LAMA5: variants seen among roughly 807,000 people sequenced by gnomAD.
The protein encoded by LAMA5 is laminin subunit alpha 5, also known as laminin subunit alpha-5.
Under a neutral mutation model 433.4 loss-of-function variants are expected in LAMA5, and 260 were observed. The ratio of observed to expected loss-of-function variants is 0.60; its 90% CI spans 0.54 to 0.66. The LOEUF is 0.66. LAMA5 is among the 30% of genes least tolerant of loss of function. LAMA5 has a pLI of 0.00. For missense variants in LAMA5, 5,378 were observed against 5,258.5 expected (o/e 1.02, Z -0.70); for synonymous variants, 2,620 against 2,226.6 (o/e 1.18, Z -4.97).
At chr20:62,320,272 C>T (rs1268729519) in intron 50 of LAMA5, among the ~76,000 whole-genome samples, 5 of 128,504 alleles carry the variant, frequency 3.9e-5, no homozygotes, top group Non-Finnish European at 7.7e-5. Flanking sequence ...AAGCCGAGAT[C>T]GAGCCATTGC....
intron 11 of LAMA5, among the ~76,000 whole-genome samples, chr20:62,339,479 G>A (rs1026228962): frequency 6.6e-6 from 1 of 152,030 alleles, no homozygotes; most frequent in African/African-American, 2.4e-5. Flanking sequence ...CACGTGATCC[G>A]CCTGCCTCGG....
Position 62,310,681 on chromosome 20 carries a change from T to C in LAMA5, c.10430A>G (p.His3477Arg), listed in dbSNP as rs1263838457. The change falls in exon 75 of 80, where the codon CAC becomes CGC. Residue 3477 changes from histidine to arginine, a missense_variant. Physicochemically the swap from His to Arg is conservative, Grantham distance 29. Transcript: ENST00000252999. ...LFVGGLPASS[H>R]SSKLPVTVGF... is the part of the protein sequence containing the mutation. ...GGTTCTCACCGGAAGTTTGGAGCTG[T>C]GGCTGCTGGCCGGGAGGCCGCCCAC... The C allele has an allele frequency of 1.9e-5, 30 of 1,603,338 alleles. No individual in the cohort carries two copies. The highest frequency in any genetic ancestry group is 2.2e-5 in the Non-Finnish European group (26 of 1,178,488).
At position 62,367,078 on chromosome 20, in the gene LAMA5, G is replaced by A; in HGVS notation, c.168C>T (p.Ala56=). 4.8e-6 allele frequency: 6 copies of A among 1,260,908 alleles called. No homozygotes were observed. Among genetic ancestry groups the A allele is most frequent in the South Asian group, 3.1e-5 (1 of 32,096 alleles). The allele number at this position is 1,260,908 out of a possible 1,614,324, so 78.1% of individuals were successfully genotyped here. ...HPPYFNLAEG[A]RIAASATCGE... Reference sequence around the variant, plus strand: ...CGCAGGTCGCGGAGGCGGCGATGCGGGCGCCCTCGGCCAGGTTGAAGTAGG... The same window carrying A: ...CGCAGGTCGCGGAGGCGGCGATGCGAGCGCCCTCGGCCAGGTTGAAGTAGG... The change falls in exon 1 of 80, where the codon GCC becomes GCT. Residue 56 remains alanine, a synonymous_variant. Coordinates refer to ENST00000252999, the MANE Select transcript of LAMA5 (RefSeq NM_005560.6).
rs370797974 is a variant in LAMA5, at chr20:62,332,613, G to T, written c.3387C>A (p.His1129Gln). The T allele has an allele frequency of 6.2e-7, 1 of 1,604,246 alleles. No homozygotes were observed. The highest frequency in any genetic ancestry group is 1.3e-5 in the African/African-American group (1 of 74,770). ...CCTGCTGGGGGGCCCGCTGTGGGGT[G>T]TGCACGGCCACGCCCACCTCCTGGC... ...DARQEVGVAV[H>Q]TPQRAPQQGL... Residue 1129 changes from histidine to glutamine, a missense_variant, in exon 27 of 80, where the codon CAC (histidine) becomes CAA (glutamine). Transcript: ENST00000252999.
At position 62,312,639 on chromosome 20, in the gene LAMA5, G is replaced by C; in HGVS notation, c.9220C>G (p.Pro3074Ala). ...GCTGCGCACAGTGCTTACCTCGGGG[G>C]CAGCTGGTCGGGCGGCACGCCCCCC... ...YLGGVPPDQL[P>A]PSLRRLFPTG... The change falls in exon 67 of 80, where the codon CCC becomes GCC. Residue 3074 changes from proline to alanine, a missense_variant. Coordinates refer to ENST00000252999, the MANE Select transcript of LAMA5 (RefSeq NM_005560.6). 2 of 1,606,010 alleles carry C rather than the reference G, an allele frequency of 1.2e-6. No individual in the cohort carries two copies. The highest frequency in any genetic ancestry group is 1.7e-6 in the Non-Finnish European group (2 of 1,177,522).
intron 40 of LAMA5, 102 bp downstream of exon 40, chr20:62,326,575 C>T: frequency 1.0e-6 from 1 of 958,816 alleles, no homozygotes; most frequent in Non-Finnish European, 1.6e-6. Flanking sequence ...GGGCTGTTTT[C>T]CACCACGGAG....
In LAMA5 at chr20:62,327,599, T is replaced by C. The variant is rs768248578; in HGVS notation, c.4868A>G (p.Lys1623Arg). ...AAAGCAGAAGCAGCGGGTGCAACCT[T>C]TGGGGTTGGCAGCATCCAGTGAGAA... ...GTFSLDAANP[K>R]GCTRCFCFGA... Residue 1623 changes from lysine to arginine, a missense_variant, in exon 37 of 80, where the codon AAA becomes AGA. By Grantham distance (26) the Lys-to-Arg change is conservative. Transcript: ENST00000252999. 11 of 1,612,798 alleles carry C rather than the reference T, an allele frequency of 6.8e-6. No homozygotes were observed. In the African/African-American group the frequency reaches 1.5e-4, roughly 22 times the overall value.
Position 62,328,297 on chromosome 20 carries a change from C to G in LAMA5, c.4596G>C (p.Gly1532=), listed in dbSNP as rs772443721. The change falls in exon 35 of 80, where the codon GGG becomes GGC. Residue 1532 remains glycine (G), a synonymous_variant. Transcript: ENST00000252999. The part of the protein sequence containing the change: ...LVGCEECNCS[G]PGIQELTDPT... Reference sequence around the variant, plus strand: ...GGTCTGTGAGCTCCTGGATGCCGGGCCCTGAGCAGTTACACTCCTCACAGC... The same window carrying G: ...GGTCTGTGAGCTCCTGGATGCCGGGGCCTGAGCAGTTACACTCCTCACAGC... 5 of 1,607,644 alleles carry G rather than the reference C, an allele frequency of 3.1e-6. No individual in the cohort carries two copies. The East Asian group carries it at 1.1e-4, about 36-fold the overall frequency.
chr20:62,340,495 G>A (rs1982434319), intron 11 of LAMA5, among the ~76,000 whole-genome samples: 1 of 151,484 alleles, frequency 6.6e-6, no homozygotes, highest in Admixed American at 6.6e-5. Flanking sequence ...ATTTTTAGTA[G>A]AGACGGGGTT....
rs1315863053 is a variant in LAMA5, at chr20:62,352,246, C to A, written c.683G>T (p.Gly228Val). The A allele has an allele frequency of 5.6e-6, 9 of 1,599,090 alleles. No individual in the cohort carries two copies. The South Asian group carries it at 8.8e-5, about 16-fold the overall frequency. ...CCCTGCCCCTCCCCGGCCCACCTCT[C>A]CGTTCTCCAGGGGCACGATGCGTGA... The part of the protein sequence containing the change: ...EYSRIVPLEN[G>V]EIVVSLVNGR... The change falls in exon 4 of 80, where the codon GGA becomes GTA. Residue 228 changes from glycine (G) to valine (V), a missense_variant. By Grantham distance (109) the Gly-to-Val change is moderately radical (BLOSUM62 -3). Coordinates refer to ENST00000252999, the MANE Select transcript of LAMA5 (RefSeq NM_005560.6).
rs1346183800 is a variant in LAMA5, at chr20:62,334,575, C to T, written c.2529G>A (p.Pro843=). The change falls in exon 21 of 80, where the codon CCG becomes CCA. Residue 843 remains proline (P), a synonymous_variant. Transcript: ENST00000252999. ...GGCGGCACCGGCAGACGCCCGTCCT[C>T]GGTTCACAGCTCTGGCCCAGTGCAC... is the stretch of plus-strand genomic sequence containing the variant. ...IGGALGQSCE[P]RTGVCRCRPN... The T allele has an allele frequency of 6.5e-6, 10 of 1,548,382 alleles. No individual in the cohort carries two copies. Among genetic ancestry groups the T allele is most frequent in the African/African-American group, 1.4e-5 (1 of 73,040 alleles).
chr20:62,327,421 G>A lies in LAMA5; in HGVS notation c.4939-15C>T, dbSNP rs115397134. 4,023 of 1,589,368 alleles carry A rather than the reference G, an allele frequency of 2.5e-3. 49 individuals carry two copies. In the African/African-American group the frequency reaches 0.037, roughly 15 times the overall value. On this transcript the variant is annotated splice_polypyrimidine_tract_variant and intron_variant, in intron 37 of 79. Coordinates refer to ENST00000252999, the MANE Select transcript of LAMA5 (RefSeq NM_005560.6). ...ATATCCACGAACTGTGGGCACACACGTGTGGCTGCACACGGGTGGATGCCC... is the reference window on the plus strand; with the variant it reads ...ATATCCACGAACTGTGGGCACACACATGTGGCTGCACACGGGTGGATGCCC...
chr20:62,323,077 T>TG (rs35712565), intron 45 of LAMA5, among the ~76,000 whole-genome samples: 9 of 78,598 alleles, frequency 1.1e-4, no homozygotes, highest in South Asian at 1.0e-3. Context: ...GATCGTGAGG[T>TG]GGGGGGGGCG....
rs576190853 is a variant in LAMA5 at position 62,359,276 on chromosome 20, G to A, written c.450+3124C>T. ...CGGTCAGGCCACCCAGGGGCCGACT[G>A]GAGAGGGAGGGGACACAGGCCAGAG... On this transcript the variant is annotated intron_variant, in intron 2 of 79. Coordinates refer to ENST00000252999, the MANE Select transcript of LAMA5 (RefSeq NM_005560.6). The surrounding 1 kb of genome is among the most constrained non-coding windows in gnomAD (Gnocchi z 4.3). 6.6e-6 allele frequency among the ~76,000 whole-genome samples: 1 copy of A among 152,252 alleles called. No individual in the cohort carries two copies. The highest frequency in any genetic ancestry group is 2.4e-5 in the African/African-American group (1 of 41,552).
At chr20:62,321,004 TC>T in intron 48 of LAMA5, 114 bp from the exon 49 acceptor site, 1 of 1,175,336 alleles carries the variant, frequency 8.5e-7, no homozygotes, top group Non-Finnish European at 1.2e-6. Context: ...GGTCATGAGG[TC>T]AGCTTAGGGA....
In LAMA5 at chr20:62,316,715, G is replaced by A; in HGVS notation, c.7712C>T (p.Ala2571Val). ...TTCCTGGAGCATGGCCTCTTCTAGT[G>A]CAGTGCTGTTGGCCAGGAGCTGCTG... The part of the protein sequence containing the change: ...RAQQLLANST[A>V]LEEAMLQEQQ... Residue 2571 changes from alanine (A) to valine (V), a missense_variant, in exon 57 of 80, where the codon GCA (alanine) becomes GTA (valine). Ala to Val is a moderately conservative substitution (Grantham distance 64, BLOSUM62 0). Coordinates refer to ENST00000252999, the MANE Select transcript of LAMA5 (RefSeq NM_005560.6). 2 of 1,609,774 alleles carry A rather than the reference G, an allele frequency of 1.2e-6. No individual in the cohort carries two copies. The highest frequency in any genetic ancestry group is 2.2e-5 in the East Asian group (1 of 44,820).
chr20:62,311,111 C>T lies in LAMA5; in HGVS notation c.10089-17G>A. 6 of 1,565,358 alleles carry T rather than the reference C, an allele frequency of 3.8e-6. No individual in the cohort carries two copies. Among genetic ancestry groups the T allele is most frequent in the Admixed American group, 1.8e-5 (1 of 54,470 alleles). On this transcript the variant is annotated splice_polypyrimidine_tract_variant and intron_variant, in intron 73 of 79. Transcript: ENST00000252999. ...AGACTGGGCCTGGAAGCGGAGCTGG[C>T]GTCAGCCTGCGCGGCCCCTCTCAGC... is the stretch of plus-strand genomic sequence containing the variant.
Position 62,311,472 on chromosome 20 carries a change from C to T in LAMA5, c.9871G>A (p.Gly3291Ser), listed in dbSNP as rs1292774884. ...QNLGSVNVST[G>S]CAPALQAQTP... The stretch of plus-strand genomic sequence containing the variant: ...TGGGCTTGCAGGGCGGGTGCACAGC[C>T]CGTGCTCACATTGACGCTGCCCAGG... The change falls in exon 72 of 80, where the codon GGC (glycine) becomes AGC (serine). Residue 3291 changes from glycine (G) to serine (S), a missense_variant. Gly to Ser is a moderately conservative substitution (Grantham distance 56). Coordinates refer to ENST00000252999, the MANE Select transcript of LAMA5 (RefSeq NM_005560.6). The T allele has an allele frequency of 6.2e-7, 1 of 1,609,574 alleles. No homozygotes were observed. The highest frequency in any genetic ancestry group is 8.5e-7 in the Non-Finnish European group (1 of 1,178,514).
In LAMA5 at chr20:62,326,735, A is replaced by G; in HGVS notation, c.5240T>C (p.Leu1747Pro). Reference sequence around the variant, plus strand: ...GCCAGGCGTGGGGTATGCCGGCTCCAGGAATGTGATGCTCATCTGGTTGCC... The same window carrying G: ...GCCAGGCGTGGGGTATGCCGGCTCCGGGAATGTGATGCTCATCTGGTTGCC... ...LQGNQMSITFLEPAYPTPGHV... is the reference protein window; with the variant it reads ...LQGNQMSITFPEPAYPTPGHV... The change falls in exon 40 of 80, where the codon CTG becomes CCG. Residue 1747 changes from leucine to proline, a missense_variant. Physicochemically the swap from Leu to Pro is moderately conservative, Grantham distance 98. Coordinates refer to ENST00000252999, the MANE Select transcript of LAMA5 (RefSeq NM_005560.6). 1 of 1,612,992 alleles carries G rather than the reference A, an allele frequency of 6.2e-7. No individual in the cohort carries two copies. Among genetic ancestry groups the G allele is most frequent in the Non-Finnish European group, 8.5e-7 (1 of 1,179,890 alleles).
Sources: allele counts gnomAD v4.1 joint callset (sites outside exome capture counted in the v4.1 genomes callset), GRCh38; gene constraint gnomAD v4.1.1; non-coding constraint Gnocchi (gnomAD v3.1); transcripts MANE v1.5; gene names NCBI Gene and HGNC (gene_info 2026-07-23, HGNC 2026-07-21).